Variants in RDH14 observed in about 807,000 individuals in gnomAD.
RDH14 encodes alcohol dehydrogenase PAN2.
Under a neutral mutation model 19.3 loss-of-function variants are expected in RDH14, and 17 were observed. The ratio of observed to expected loss-of-function variants is 0.88; its 90% CI spans 0.60 to 1.32. The LOEUF (loss-of-function observed/expected upper bound fraction) is 1.32. Ranked by LOEUF, RDH14 falls within the 40% of genes most tolerant of loss-of-function variation. The pLI is 0.00. For synonymous variants in RDH14, 215 were observed against 188.9 expected (o/e 1.14, Z -1.13); for missense variants, 534 against 449.2 (o/e 1.19, Z -1.71).
Position 18,555,200 on chromosome 2 carries a change from C to G in RDH14, c.1002G>C (p.Leu334=), listed in dbSNP as rs751489201. 5 of 1,612,666 alleles carry G rather than the reference C, an allele frequency of 3.1e-6. No homozygotes were observed. The highest frequency in any genetic ancestry group is 4.2e-6 in the Non-Finnish European group (5 of 1,178,992). The part of the protein sequence containing the change: ...LWDISEVMVG[L]LK Reference sequence around the variant, plus strand: ...CTTTTACTCCTTGTTCCTATTTTAGCAGGCCAACCATCACTTCACTGATAT... The same window carrying G: ...CTTTTACTCCTTGTTCCTATTTTAGGAGGCCAACCATCACTTCACTGATAT... The change falls in exon 2 of 2, where the codon CTG becomes CTC. Residue 334 remains leucine (L), a synonymous_variant. Coordinates refer to ENST00000381249, the MANE Select transcript of RDH14 (RefSeq NM_020905.4).
chr2:18,558,996 G>A (rs1558356544), intron 1 of RDH14, among the ~76,000 whole-genome samples: 1 of 152,172 alleles, frequency 6.6e-6, no homozygotes, highest in Admixed American at 6.5e-5. Flanking sequence ...CCTCAGGACC[G>A]CCTGAGGTTC....
intron 1 of RDH14, 112 bp downstream of exon 1, chr2:18,560,068 A>G (rs1237093177): frequency 3.3e-6 from 4 of 1,212,982 alleles, no homozygotes; most frequent in South Asian, 1.6e-5. Context: ...GCGGTTCCCA[A>G]GGTGACACCC....
chr2:18,557,781 A>C (rs1663962942), intron 1 of RDH14, among the ~76,000 whole-genome samples: 1 of 152,194 alleles, frequency 6.6e-6, no homozygotes, highest in African/African-American at 2.4e-5. Flanking sequence ...AGTGCCAAAG[A>C]AGCAAACCCA....
At chr2:18,556,497 A>AT (rs765464710) in intron 1 of RDH14, among the ~76,000 whole-genome samples, 3 of 152,224 alleles carry the variant, frequency 2.0e-5, no homozygotes, top group Non-Finnish European at 2.9e-5. Context: ...AAAAAAATAG[A>AT]TGCAGAAGCT....
At chr2:18,557,572 C>A (rs1309688141) in intron 1 of RDH14, among the ~76,000 whole-genome samples, 1 of 152,106 alleles carries the variant, frequency 6.6e-6, no homozygotes, top group Non-Finnish European at 1.5e-5. Flanking sequence ...TTGTCATTTA[C>A]TATTTTTTTA....
At position 18,555,775 on chromosome 2, in the gene RDH14, C is replaced by A; in HGVS notation, c.427G>T (p.Ala143Ser). Residue 143 changes from alanine to serine, a missense_variant, in exon 2 of 2, where the codon GCA becomes TCA. Ala to Ser is a moderately conservative substitution (Grantham distance 99, BLOSUM62 1). Coordinates refer to ENST00000381249, the MANE Select transcript of RDH14 (RefSeq NM_020905.4). ...EPRLDVLINN[A>S]GIFQCPYMKT... ...ATGTAAGGGCACTGGAAGATCCCTG[C>A]GTTATTGATCAAGACATCCAGCCTA... 6.2e-7 allele frequency: 1 copy of A among 1,612,300 alleles called. No individual in the cohort carries two copies. The highest frequency in any genetic ancestry group is 8.5e-7 in the Non-Finnish European group (1 of 1,178,592).
intron 1 of RDH14, among the ~76,000 whole-genome samples, chr2:18,557,885 ATAAT>A (rs1663965732): frequency 6.6e-6 from 1 of 152,238 alleles, no homozygotes; most frequent in Non-Finnish European, 1.5e-5. Context: ...TGTGTTACAC[ATAAT>A]TAAATACTAG....
chr2:18,559,185 T>C (rs1380512227), intron 1 of RDH14, among the ~76,000 whole-genome samples: 1 of 152,232 alleles, frequency 6.6e-6, no homozygotes, highest in African/African-American at 2.4e-5. Flanking sequence ...ATTTTAAATT[T>C]CACTCTTCTG....
chr2:18,555,508 C>T lies in RDH14; in HGVS notation c.694G>A (p.Ala232Thr), dbSNP rs373938743. ...ACATTTGTGCCTTCTAAGCGGCGGG[C>T]TAGTTCCCTGGTAAAAAGAATGTTA... The part of the protein sequence containing the change: ...LANILFTREL[A>T]RRLEGTNVTV... Residue 232 changes from alanine (A) to threonine (T), a missense_variant, in exon 2 of 2, where the codon GCC (alanine) becomes ACC (threonine). Physicochemically the swap from Ala to Thr is moderately conservative, Grantham distance 58. Coordinates refer to ENST00000381249, the MANE Select transcript of RDH14 (RefSeq NM_020905.4). 116 of 1,614,062 alleles carry T rather than the reference C, an allele frequency of 7.2e-5. No individual in the cohort carries two copies. Among genetic ancestry groups the T allele is most frequent in the Non-Finnish European group, 9.6e-5 (113 of 1,180,016 alleles).
chr2:18,555,652 G>C lies in RDH14; in HGVS notation c.550C>G (p.Pro184Ala). ...GAAGAAACTACCACAATCCTGCTGG[G>C]AGCTGAACTTTTGAGGAGTCCAAGG... is the stretch of plus-strand genomic sequence containing the variant. ...LLLGLLKSSAPSRIVVVSSKL... is the reference protein window; with the variant it reads ...LLLGLLKSSAASRIVVVSSKL... The change falls in exon 2 of 2, where the codon CCC becomes GCC. Residue 184 changes from proline to alanine, a missense_variant. Pro to Ala is a conservative substitution (Grantham distance 27, BLOSUM62 -1). Coordinates refer to ENST00000381249, the MANE Select transcript of RDH14 (RefSeq NM_020905.4). The C allele has an allele frequency of 6.2e-7, 1 of 1,614,080 alleles. No individual in the cohort carries two copies. Among genetic ancestry groups the C allele is most frequent in the Non-Finnish European group, 8.5e-7 (1 of 1,179,974 alleles).
At chr2:18,560,030 G>A in intron 1 of RDH14, 150 bp downstream of exon 1, 1 of 825,580 alleles carries the variant, frequency 1.2e-6, no homozygotes, top group African/African-American at 1.8e-5. Context: ...CCGCCTCAAA[G>A]TGGCTTTTTG....
At chr2:18,556,063 C>T (rs905223948) in intron 1 of RDH14, among the ~76,000 whole-genome samples, 27 of 152,116 alleles carry the variant, frequency 1.8e-4, no homozygotes, top group Middle Eastern at 3.2e-3. Context: ...TTCAACAGCT[C>T]TTTTTTCTCA....
At chr2:18,555,936 T>C in intron 1 of RDH14, 128 bp from the exon 2 acceptor site, 2 of 1,442,058 alleles carry the variant, frequency 1.4e-6, no homozygotes, top group Non-Finnish European at 1.8e-6. Flanking sequence ...ATTTCAGTTG[T>C]TGGTCTATCG....
rs980470576 is a variant in RDH14, at chr2:18,555,211, T to C, written c.991A>G (p.Met331Val). The C allele has an allele frequency of 1.4e-5, 23 of 1,613,834 alleles. No homozygotes were observed. The highest frequency in any genetic ancestry group is 1.5e-5 in the Non-Finnish European group (18 of 1,179,736). The part of the protein sequence containing the change: ...ARKLWDISEV[M>V]VGLLK ...TGTTCCTATTTTAGCAGGCCAACCA[T>C]CACTTCACTGATATCCCAGAGTTTT... The change falls in exon 2 of 2, where the codon ATG (methionine) becomes GTG (valine). Residue 331 changes from methionine to valine, a missense_variant. Transcript: ENST00000381249.
intron 1 of RDH14, among the ~76,000 whole-genome samples, chr2:18,559,709 G>A (rs1664032436): frequency 6.6e-6 from 1 of 152,146 alleles, no homozygotes; most frequent in Admixed American, 6.5e-5. Flanking sequence ...TACCCCAGCA[G>A]AAAAGGGGCA....
chr2:18,560,245 T>G lies in RDH14; in HGVS notation c.328A>C (p.Ile110Leu). 1.3e-6 allele frequency: 2 copies of G among 1,523,808 alleles called. No individual in the cohort carries two copies. Among genetic ancestry groups the G allele is most frequent in the South Asian group, 2.4e-5 (2 of 83,766 alleles). The allele number at this position is 1,523,808 out of a possible 1,614,324, so 94.4% of individuals were successfully genotyped here. ...EPGVSGVGEL[I>L]VRELDLASLR... ...GAGGCGAGGTCCAGCTCCCGGACTA[T>G]GAGCTCGCCCACCCCGCTGACGCCA... The change falls in exon 1 of 2, where the codon ATA (isoleucine) becomes CTA (leucine). Residue 110 changes from isoleucine to leucine, a missense_variant. Ile to Leu is a conservative substitution (Grantham distance 5). Transcript: ENST00000381249.
At chr2:18,555,887 A>G in intron 1 of RDH14, 79 bp from the exon 2 acceptor site, 1 of 1,497,060 alleles carries the variant, frequency 6.7e-7, no homozygotes, top group Non-Finnish European at 8.9e-7. Flanking sequence ...TGATAATTAC[A>G]TTTTAATAAA....
At chr2:18,559,370 G>C (rs1441592321) in intron 1 of RDH14, among the ~76,000 whole-genome samples, 1 of 152,224 alleles carries the variant, frequency 6.6e-6, no homozygotes, top group Non-Finnish European at 1.5e-5. Flanking sequence ...TCTGGAGACA[G>C]ACCACAAGCA....
At position 18,560,598 on chromosome 2, in the gene RDH14, C is replaced by G; in HGVS notation, c.-26G>C. Reference sequence around the variant, plus strand: ...CGTCAGGCCCGAGGGCCCACCGGCCCCTCCACGGGAGTTCCGCAGCCGCCG... The same window carrying G: ...CGTCAGGCCCGAGGGCCCACCGGCCGCTCCACGGGAGTTCCGCAGCCGCCG... On this transcript the variant is annotated 5_prime_UTR_variant, in exon 1 of 2. Transcript: ENST00000381249. 1 of 1,395,818 alleles carries G rather than the reference C, an allele frequency of 7.2e-7. No individual in the cohort carries two copies. The highest frequency in any genetic ancestry group is 9.2e-7 in the Non-Finnish European group (1 of 1,085,510). The allele number at this position is 1,395,818 out of a possible 1,614,324, so 86.5% of individuals were successfully genotyped here.
Sources: allele counts gnomAD v4.1 joint callset (sites outside exome capture counted in the v4.1 genomes callset), GRCh38; gene constraint gnomAD v4.1.1; transcripts MANE v1.5; gene names NCBI Gene and HGNC (gene_info 2026-07-23, HGNC 2026-07-21).